NTRK1: variants seen among roughly 807,000 people sequenced by gnomAD.
NTRK1 encodes the protein neurotrophic receptor tyrosine kinase 1.
Under a neutral mutation model 86.8 loss-of-function variants are expected in NTRK1, and 62 were observed. The observed-to-expected ratio is 0.71, with a 90% CI of 0.58 to 0.88. The LOEUF (loss-of-function observed/expected upper bound fraction) is 0.88. Among genes scored for constraint, NTRK1 ranks in the 40% least tolerant of loss-of-function variants. NTRK1 has a pLI of 0.00. For synonymous variants in NTRK1, 469 were observed against 456.6 expected, an observed-to-expected ratio of 1.03 and a Z score of -0.35; for missense variants, 967 against 1,078.4, an observed-to-expected ratio of 0.90 and a Z score of 1.45.
At chr1:156,863,066 T>G in intron 1 of NTRK1, among the ~76,000 whole-genome samples, 1 of 143,068 alleles carries the variant, frequency 7.0e-6, no homozygotes, top group African/African-American at 2.6e-5. Context: ...CCCTGGCATG[T>G]GTATTGTTGG....
intron 1 of NTRK1, among the ~76,000 whole-genome samples, chr1:156,836,056 C>T (rs371552921): frequency 1.3e-5 from 2 of 152,226 alleles, no homozygotes; most frequent in East Asian, 3.8e-4. Context: ...CTTGTCTTCT[C>T]TGCTTCATCT....
intron 1 of NTRK1, among the ~76,000 whole-genome samples, chr1:156,839,006 A>G (rs1242302911): frequency 6.6e-6 from 1 of 152,202 alleles, no homozygotes; most frequent in Non-Finnish European, 1.5e-5. Flanking sequence ...AGACCCAGCA[A>G]CAGAAGGCAG....
chr1:156,832,454 G>T (rs1312991933), intron 1 of NTRK1, among the ~76,000 whole-genome samples: 1 of 152,186 alleles, frequency 6.6e-6, no homozygotes, highest in Non-Finnish European at 1.5e-5. Flanking sequence ...AAGGGGAAGA[G>T]AAATCAGTAA....
At chr1:156,860,308 C>T (rs940062847), upstream of NTRK1, among the ~76,000 whole-genome samples, 4 of 152,254 alleles carry the variant, frequency 2.6e-5, no homozygotes, top group Non-Finnish European at 5.9e-5. Flanking sequence ...TCTCCGGACT[C>T]CCTTCGGCCG....
Position 156,854,433 on chromosome 1 carries a change from G to C in NTRK1, c.51-9921G>C. ...TGAGGAGCCGGGCTCTGCTCTGGGT[G>C]TGGGGTGGCCTCCTTCCTGGGCCCC... On this transcript the variant is annotated intron_variant, in intron 2 of 16. Transcript: ENST00000392302. The surrounding 1 kb of genome is among the most constrained non-coding windows in gnomAD (Gnocchi z 4.2). 9.8e-7 allele frequency: 1 copy of C among 1,016,576 alleles called. No individual in the cohort carries two copies. The highest frequency in any genetic ancestry group is 1.4e-6 in the Non-Finnish European group (1 of 712,634). The allele number at this position is 1,016,576 out of a possible 1,614,324, so 63.0% of individuals were successfully genotyped here.
Position 156,854,322 on chromosome 1 carries a change from C to T in NTRK1, c.51-10032C>T, listed in dbSNP as rs376234994. 80 of 1,590,806 alleles carry T rather than the reference C, an allele frequency of 5.0e-5. No individual in the cohort carries two copies. The highest frequency in any genetic ancestry group is 2.5e-4 in the African/African-American group (19 of 74,828). Reference sequence around the variant, plus strand: ...GGGCACACTGTGGGCATACACGGCACGCAGCATTGAGTACAGCCCAGGCCA... The same window carrying T: ...GGGCACACTGTGGGCATACACGGCATGCAGCATTGAGTACAGCCCAGGCCA... On this transcript the variant is annotated intron_variant, in intron 2 of 16. Transcript: ENST00000392302. The surrounding 1 kb of genome is among the most constrained non-coding windows in gnomAD (Gnocchi z 4.2).
At chr1:156,844,599 C>G (rs1462782876) in intron 2 of NTRK1, 1 of 1,614,022 alleles carries the variant, frequency 6.2e-7, no homozygotes, top group South Asian at 1.1e-5. Flanking sequence ...ATATCGAAGA[C>G]GGGACACACA....
chr1:156,822,591 A>T (rs1250433574), intron 1 of NTRK1, among the ~76,000 whole-genome samples: 1 of 140,092 alleles, frequency 7.1e-6, no homozygotes, highest in Non-Finnish European at 1.5e-5. Flanking sequence ...TTTCTCAAAG[A>T]CCGAGGCTAA....
upstream of NTRK1, among the ~76,000 whole-genome samples, chr1:156,856,284 A>T (rs1035407080): frequency 6.6e-6 from 1 of 152,194 alleles, no homozygotes; most frequent in Non-Finnish European, 1.5e-5. Flanking sequence ...TTGGCACTCA[A>T]TAAATATTTG....
At chr1:156,876,051 C>T (rs2102916941) in intron 12 of NTRK1, 29 bp from the exon 13 acceptor site, 1 of 1,614,132 alleles carries the variant, frequency 6.2e-7, no homozygotes, top group Non-Finnish European at 8.5e-7. Context: ...AAGACTGGGG[C>T]TACCGTCTGA....
At chr1:156,832,798 T>C (rs557608270) in intron 1 of NTRK1, among the ~76,000 whole-genome samples, 1 of 152,360 alleles carries the variant, frequency 6.6e-6, no homozygotes, top group South Asian at 2.1e-4. Context: ...TATGGTGCTC[T>C]TGTAGCATTT....
rs532596297 is a variant in NTRK1 at position 156,827,070 on chromosome 1, A to G, written c.-64+11232A>G. On this transcript the variant is annotated intron_variant, in intron 1 of 16. Transcript: ENST00000392302. ...GGGGGAAAAGAAATAATCATTGCAT[A>G]TTAACTTTTTCTTTATTTCTTTATT... Among the ~76,000 whole-genome samples the G allele has an allele frequency of 1.2e-3, 174 of 151,154 alleles. 1 individual carries two copies. The highest frequency in any genetic ancestry group is 4.0e-3 in the African/African-American group (164 of 40,566).
At chr1:156,871,214 C>G (rs759900397) in intron 6 of NTRK1, among the ~76,000 whole-genome samples, 1 of 152,048 alleles carries the variant, frequency 6.6e-6, no homozygotes, top group Non-Finnish European at 1.5e-5. Flanking sequence ...ATATTTTGTG[C>G]CTATTTTGAG....
intron 1 of NTRK1, among the ~76,000 whole-genome samples, chr1:156,862,847 C>T (rs1655741436): frequency 6.6e-6 from 1 of 152,060 alleles, no homozygotes; most frequent in Admixed American, 6.5e-5. Flanking sequence ...CTTGGCCTCC[C>T]TCGGAGTCAG....
At chr1:156,863,660 TTGTG>T (rs35148211) in intron 1 of NTRK1, among the ~76,000 whole-genome samples, 5 of 149,366 alleles carry the variant, frequency 3.3e-5, no homozygotes, top group Non-Finnish European at 7.4e-5. Flanking sequence ...GCAGAGATGT[TTGTG>T]TGTGTGTGTG....
Position 156,881,671 on chromosome 1 carries a change from A to C in NTRK1, c.*29A>C. On this transcript the variant is annotated 3_prime_UTR_variant, in exon 17 of 17. Coordinates refer to ENST00000524377, the MANE Select transcript of NTRK1 (RefSeq NM_002529.4). ...GCCGGCCCAGGGGCTGGGAGTGGTT[A>C]GCCGGAATACTGGGGCCTGCCCTCA... is the stretch of plus-strand genomic sequence containing the variant. 6.3e-7 allele frequency: 1 copy of C among 1,584,118 alleles called. No individual in the cohort carries two copies. The highest frequency in any genetic ancestry group is 8.6e-7 in the Non-Finnish European group (1 of 1,165,862).
intron 12 of NTRK1, 78 bp downstream of exon 12, chr1:156,875,744 C>T: frequency 8.4e-7 from 1 of 1,190,510 alleles, no homozygotes; most frequent in South Asian, 1.4e-5. Flanking sequence ...TGTAGAAGCC[C>T]CTAGGCCTGA....
upstream of NTRK1, among the ~76,000 whole-genome samples, chr1:156,857,109 C>A (rs888970443): frequency 6.6e-6 from 1 of 151,184 alleles, no homozygotes; most frequent in African/African-American, 2.4e-5. Context: ...TACTTCACAT[C>A]TTCTCCCTGT....
intron 1 of NTRK1, among the ~76,000 whole-genome samples, chr1:156,835,725 AC>A (rs1654582045): frequency 6.6e-6 from 1 of 152,210 alleles, no homozygotes. Flanking sequence ...TGATATCACA[AC>A]CAGATAACAA....
Sources: gnomAD v4.1 joint callset for allele counts (sites outside exome capture counted in the v4.1 genomes callset) on GRCh38, gnomAD v4.1.1 for gene constraint, Gnocchi (gnomAD v3.1) non-coding constraint, MANE v1.5 for transcripts, NCBI Gene and HGNC (gene_info 2026-07-23, HGNC 2026-07-21) for gene names.